Variants in SORCS3 observed in about 807,000 individuals in gnomAD.
SORCS3 encodes VPS10 domain-containing receptor SorCS3.
In SORCS3, 57 loss-of-function variants were observed where a neutral mutation model predicts 146.3. The ratio of observed to expected loss-of-function variants is 0.39; its 90% CI spans 0.31 to 0.49. SORCS3 has a LOEUF of 0.49. Ranked by LOEUF, SORCS3 falls within the 20% of genes least tolerant of loss-of-function variation. The pLI is 0.92. For missense variants in SORCS3, 1,341 were observed against 1,575.5 expected, an observed-to-expected ratio of 0.85 and a Z score of 2.52; for synonymous variants, 653 against 618.5, an observed-to-expected ratio of 1.06 and a Z score of -0.83.
At chr10:105,225,974 T>C (rs1284990898) in intron 20 of SORCS3, among the ~76,000 whole-genome samples, 1 of 151,966 alleles carries the variant, frequency 6.6e-6, no homozygotes, top group Non-Finnish European at 1.5e-5. Flanking sequence ...ATGGAGTCTC[T>C]AGGTTTTCTA....
At chr10:104,908,294 C>G (rs1004457032) in intron 2 of SORCS3, among the ~76,000 whole-genome samples, 1 of 152,194 alleles carries the variant, frequency 6.6e-6, no homozygotes, top group Non-Finnish European at 1.5e-5. Context: ...TCCACAGATC[C>G]TTTAATGATT....
Position 104,797,272 on chromosome 10 carries a change from G to C in SORCS3, c.628-45520G>C, listed in dbSNP as rs925669478. ...AGAGGTCTATAAAATGAAACATTTAGTGACTAATGATAGTACTTGAGGTAA... is the reference window on the plus strand; with the variant it reads ...AGAGGTCTATAAAATGAAACATTTACTGACTAATGATAGTACTTGAGGTAA... On this transcript the variant is annotated intron_variant, in intron 1 of 26. Coordinates refer to ENST00000369701, the MANE Select transcript of SORCS3 (RefSeq NM_014978.3). Among the ~76,000 whole-genome samples the C allele has an allele frequency of 2.6e-5, 4 of 152,324 alleles. No individual in the cohort carries two copies. In the East Asian group the frequency reaches 7.7e-4, roughly 29 times the overall value.
intron 1 of SORCS3, among the ~76,000 whole-genome samples, chr10:104,700,347 C>T (rs2016266275): frequency 6.6e-6 from 1 of 152,182 alleles, no homozygotes; most frequent in African/African-American, 2.4e-5. Flanking sequence ...GGCTTTTTCT[C>T]TCTCTGTTTC....
chr10:105,168,080 A>G (rs1214025700), intron 13 of SORCS3, among the ~76,000 whole-genome samples: 1 of 152,116 alleles, frequency 6.6e-6, no homozygotes, highest in Admixed American at 6.6e-5. Flanking sequence ...GGAATAAAAA[A>G]CAACCTAGGA....
rs140202963 is a variant in SORCS3, at chr10:105,122,746, C to T, written c.1213-16651C>T. On this transcript the variant is annotated intron_variant, in intron 7 of 26. Coordinates refer to ENST00000369701, the MANE Select transcript of SORCS3 (RefSeq NM_014978.3). ...GACTCTCCAGGACAGTGCTTCCCAG[C>T]GTGAGGGAGATCTACAATTAAAGAA... is the stretch of plus-strand genomic sequence containing the variant. Among the ~76,000 whole-genome samples, 643 of 151,220 alleles carry T rather than the reference C, an allele frequency of 4.3e-3. 6 individuals carry two copies. Among genetic ancestry groups the T allele is most frequent in the African/African-American group, 0.015 (622 of 41,138 alleles).
intron 6 of SORCS3, among the ~76,000 whole-genome samples, chr10:105,095,397 A>G (rs780042025): frequency 3.3e-5 from 5 of 152,136 alleles, no homozygotes; most frequent in African/African-American, 7.2e-5. Context: ...AGGTCAGGTA[A>G]CATCCTGTAC....
intron 1 of SORCS3, among the ~76,000 whole-genome samples, chr10:104,816,063 C>T (rs372653812): frequency 1.3e-4 from 20 of 151,750 alleles, no homozygotes; most frequent in South Asian, 6.2e-4. Context: ...TTTTCTTTTT[C>T]GCTTTTGAAT....
chr10:105,038,780 TTAA>T (rs2055321264), intron 4 of SORCS3, among the ~76,000 whole-genome samples: 2 of 152,208 alleles, frequency 1.3e-5, no homozygotes, highest in Non-Finnish European at 2.9e-5. Context: ...TATTTTTAAA[TTAA>T]TAATGTCATG....
intron 7 of SORCS3, among the ~76,000 whole-genome samples, chr10:105,110,618 C>G (rs1467173718): frequency 6.6e-6 from 1 of 152,038 alleles, no homozygotes; most frequent in East Asian, 1.9e-4. Flanking sequence ...AGATTGTTTT[C>G]TCTGTGAGTG....
At chr10:104,793,455 G>T (rs1033882274) in intron 1 of SORCS3, among the ~76,000 whole-genome samples, 8 of 152,178 alleles carry the variant, frequency 5.3e-5, no homozygotes, top group Admixed American at 3.3e-4. Flanking sequence ...GTAGGATGTT[G>T]GGGAGGGTGG....
intron 3 of SORCS3, among the ~76,000 whole-genome samples, chr10:104,941,054 G>A (rs540635105): frequency 1.3e-5 from 2 of 152,278 alleles, no homozygotes; most frequent in South Asian, 2.1e-4. Context: ...AACTGCCATG[G>A]CACTGGTGAG....
At chr10:105,189,631 A>G (rs2056501075) in intron 14 of SORCS3, among the ~76,000 whole-genome samples, 1 of 152,148 alleles carries the variant, frequency 6.6e-6, no homozygotes, top group Non-Finnish European at 1.5e-5. Context: ...CACATATGGC[A>G]CACCATGACT....
At chr10:104,683,674 G>A (rs2016006121) in intron 1 of SORCS3, among the ~76,000 whole-genome samples, 1 of 152,216 alleles carries the variant, frequency 6.6e-6, no homozygotes, top group South Asian at 2.1e-4. Flanking sequence ...GGGAAGCTAG[G>A]TATGGGAGGG....
chr10:104,964,289 G>C (rs985416054), intron 3 of SORCS3, among the ~76,000 whole-genome samples: 1 of 152,112 alleles, frequency 6.6e-6, no homozygotes, highest in African/African-American at 2.4e-5. Context: ...TGTTCATTCT[G>C]TTCCAGCCTA....
rs561197092 is a variant in SORCS3, at chr10:105,147,553, G to A, written c.1303-64G>A. 2.7e-4 allele frequency: 373 copies of A among 1,388,678 alleles called. 1 individual carries two copies. Among genetic ancestry groups the A allele is most frequent in the Admixed American group, 4.5e-4 (21 of 46,312 alleles). 86.0% of individuals were successfully genotyped at this position (1,388,678 alleles called of 1,614,324 possible). A position where few individuals can be genotyped will look rare whatever the true frequency, so the allele number is the denominator to read the frequency against. Reference sequence around the variant, plus strand: ...ATTTCATAAGTCATAGTAATTACTTGGCATCCCAATGGGCAGAGAGATATG... The same window carrying A: ...ATTTCATAAGTCATAGTAATTACTTAGCATCCCAATGGGCAGAGAGATATG... On this transcript the variant is annotated intron_variant, in intron 8 of 26. Coordinates refer to ENST00000369701, the MANE Select transcript of SORCS3 (RefSeq NM_014978.3).
chr10:105,006,115 T>G (rs896161641), intron 4 of SORCS3, among the ~76,000 whole-genome samples: 8 of 152,212 alleles, frequency 5.3e-5, no homozygotes, highest in African/African-American at 1.9e-4. Flanking sequence ...CTAATTTTTG[T>G]ATTTTTAGTA....
In SORCS3 at chr10:104,891,072, G is replaced by A. The variant is rs181366504; in HGVS notation, c.696-24761G>A. Among the ~76,000 whole-genome samples, 11 of 152,304 alleles carry A rather than the reference G, an allele frequency of 7.2e-5. No homozygotes were observed. In the East Asian group the frequency reaches 1.9e-3, roughly 27 times the overall value. On this transcript the variant is annotated intron_variant, in intron 2 of 26. Transcript: ENST00000369701. The stretch of plus-strand genomic sequence containing the variant: ...GAGCTTTGTTCTGGGACATGATTAT[G>A]TTGTTTGGAAACAGTTGAATTCTTA...
chr10:104,729,607 T>G (rs1383369815), intron 1 of SORCS3, among the ~76,000 whole-genome samples: 4 of 152,206 alleles, frequency 2.6e-5, no homozygotes, highest in Admixed American at 2.6e-4. Context: ...CTAGGTTTTA[T>G]CCTTGCATTA....
At chr10:104,706,700 C>T (rs1001085179) in intron 1 of SORCS3, among the ~76,000 whole-genome samples, 1 of 152,064 alleles carries the variant, frequency 6.6e-6, no homozygotes, top group Non-Finnish European at 1.5e-5. Flanking sequence ...TTTACCTTAC[C>T]TATAGGGAGG....
Sources: allele counts gnomAD v4.1 joint callset (sites outside exome capture counted in the v4.1 genomes callset), GRCh38; gene constraint gnomAD v4.1.1; transcripts MANE v1.5; gene names NCBI Gene and HGNC (gene_info 2026-07-23, HGNC 2026-07-21).